RPS6KA2: variants seen among roughly 807,000 people sequenced by gnomAD.
The protein encoded by RPS6KA2 is ribosomal protein S6 kinase A2, also known as ribosomal protein S6 kinase alpha-2.
A neutral mutation model predicts 91.8 loss-of-function variants in RPS6KA2; 42 were observed. That is an observed-to-expected ratio of 0.46 (90% CI 0.36 to 0.59). RPS6KA2 has a LOEUF of 0.59. Among genes scored for constraint, RPS6KA2 ranks in the 20% least tolerant of loss-of-function variants. RPS6KA2 has a pLI of 0.00. For missense variants in RPS6KA2, 798 were observed against 978.5 expected (o/e 0.82, Z 2.46); for synonymous variants, 414 against 393.6 (o/e 1.05, Z -0.61).
intron 2 of RPS6KA2, among the ~76,000 whole-genome samples, chr6:166,848,297 TA>T (rs1780656420): frequency 6.6e-6 from 1 of 152,240 alleles, no homozygotes; most frequent in Non-Finnish European, 1.5e-5. Context: ...GGAACACTTT[TA>T]CACTGTTGGT....
intron 2 of RPS6KA2, among the ~76,000 whole-genome samples, chr6:166,685,786 CCCA>C (rs892752433): frequency 5.3e-5 from 8 of 152,206 alleles, no homozygotes; most frequent in Non-Finnish European, 1.0e-4. Context: ...TGCCCTTTCT[CCCA>C]CCACATCTCC....
chr6:166,822,323 T>C (rs1779925024), intron 2 of RPS6KA2, among the ~76,000 whole-genome samples: 1 of 152,184 alleles, frequency 6.6e-6, no homozygotes, highest in Non-Finnish European at 1.5e-5. Flanking sequence ...AGGGGAACCC[T>C]AAGCCAATCT....
chr6:166,496,388 GA>G (rs147272970), intron 8 of RPS6KA2, among the ~76,000 whole-genome samples: 109 of 150,970 alleles, frequency 7.2e-4, no homozygotes, highest in African/African-American at 2.2e-3. Flanking sequence ...AGAAAAAAAA[GA>G]AAAAAAATTA....
Position 166,533,788 on chromosome 6 carries a change from T to A in RPS6KA2, c.217-2475A>T, listed in dbSNP as rs551390674. On this transcript the variant is annotated intron_variant, in intron 2 of 20. Coordinates refer to ENST00000265678, the MANE Select transcript of RPS6KA2 (RefSeq NM_021135.6). This position sits in a 1 kb window ranked among gnomAD's most constrained non-coding sequence, Gnocchi z 4.0. ...CTCCCAAAATAAGGCATTCTTATAA[T>A]CAGAAAACAAAGGGCCAGGTTCAGT... Among the ~76,000 whole-genome samples the A allele has an allele frequency of 3.9e-5, 6 of 152,170 alleles. No homozygotes were observed. Among genetic ancestry groups the A allele is most frequent in the African/African-American group, 1.2e-4 (5 of 41,504 alleles).
intron 1 of RPS6KA2, among the ~76,000 whole-genome samples, chr6:166,552,528 A>G (rs1222736562): frequency 6.6e-6 from 1 of 151,756 alleles, no homozygotes; most frequent in Non-Finnish European, 1.5e-5. Context: ...TTGTATTATA[A>G]AAGTTTTTTT....
chr6:166,856,331 C>A (rs145014542), intron 2 of RPS6KA2, among the ~76,000 whole-genome samples: 6 of 152,182 alleles, frequency 3.9e-5, no homozygotes, highest in Non-Finnish European at 7.3e-5. Flanking sequence ...CCTTCCACCA[C>A]GTGAGGACAA....
chr6:166,624,925 C>T (rs1007659411), intron 1 of RPS6KA2, among the ~76,000 whole-genome samples: 2 of 152,094 alleles, frequency 1.3e-5, no homozygotes, highest in African/African-American at 2.4e-5. Context: ...CCTCTGACTC[C>T]CTGGTTCAAG....
chr6:166,707,275 G>A (rs1245847842), intron 2 of RPS6KA2, among the ~76,000 whole-genome samples: 2 of 152,248 alleles, frequency 1.3e-5, no homozygotes, highest in East Asian at 3.8e-4. Context: ...AGCCCGCAGA[G>A]CAGAGCCGGG....
intron 2 of RPS6KA2, among the ~76,000 whole-genome samples, chr6:166,670,385 G>A (rs1243651540): frequency 6.6e-6 from 1 of 152,218 alleles, no homozygotes; most frequent in Non-Finnish European, 1.5e-5. Context: ...ATGAAGAACT[G>A]CTGAGCTGCA....
intron 2 of RPS6KA2, among the ~76,000 whole-genome samples, chr6:166,827,337 G>A (rs996772831): frequency 6.7e-6 from 1 of 149,158 alleles, no homozygotes; most frequent in Non-Finnish European, 1.5e-5. Context: ...ACCTCGGACT[G>A]TAGGAACAAA....
At chr6:166,631,852 A>C (rs1787088797), upstream of RPS6KA2, among the ~76,000 whole-genome samples, 1 of 152,222 alleles carries the variant, frequency 6.6e-6, no homozygotes. Context: ...CTGCGCGGCA[A>C]ACGGAGCCCA....
chr6:166,607,884 C>A (rs904183765), intron 1 of RPS6KA2, among the ~76,000 whole-genome samples: 4 of 152,092 alleles, frequency 2.6e-5, no homozygotes, highest in South Asian at 2.1e-4. Context: ...GTGGCATGTA[C>A]CTGTGGTCCC....
At chr6:166,834,183 C>A (rs1216290993) in intron 2 of RPS6KA2, among the ~76,000 whole-genome samples, 1 of 152,192 alleles carries the variant, frequency 6.6e-6, no homozygotes, top group Non-Finnish European at 1.5e-5. Context: ...TTATTTCACA[C>A]CTTTGTCAGC....
chr6:166,508,148 G>A lies in RPS6KA2; in HGVS notation c.459+55C>T, dbSNP rs377334705. 31 of 1,163,152 alleles carry A rather than the reference G, an allele frequency of 2.7e-5. 1 individual carries two copies. Among genetic ancestry groups the A allele is most frequent in the African/African-American group, 1.5e-4 (10 of 65,930 alleles). The allele number at this position is 1,163,152 out of a possible 1,614,324, so 72.1% of individuals were successfully genotyped here. ...AATGCTCTCCACCCCTCCTCCCCTC[G>A]AGTCCCAGACAGAAGCTCCTGCCCG... is the stretch of plus-strand genomic sequence containing the variant. On this transcript the variant is annotated intron_variant, in intron 5 of 20. Coordinates refer to ENST00000265678, the MANE Select transcript of RPS6KA2 (RefSeq NM_021135.6). The surrounding 1 kb of genome is among the most constrained non-coding windows in gnomAD (Gnocchi z 4.3).
rs983758636 is a variant in RPS6KA2, at chr6:166,648,220, G to A, written c.124-109436C>T. 6.9e-6 allele frequency among the ~76,000 whole-genome samples: 1 copy of A among 145,126 alleles called. No individual in the cohort carries two copies. The highest frequency in any genetic ancestry group is 3.4e-3 in the Middle Eastern group (1 of 294). ...CATACACACACTCATGCACACACAC[G>A]CACATGCGCACACACACACATTCAC... On this transcript the variant is annotated intron_variant, in intron 2 of 21. Transcript: ENST00000503859. This position sits in a 1 kb window ranked among gnomAD's most constrained non-coding sequence, Gnocchi z 4.8.
intron 2 of RPS6KA2, among the ~76,000 whole-genome samples, chr6:166,746,863 A>G (rs1333300934): frequency 6.6e-6 from 1 of 152,240 alleles, no homozygotes; most frequent in Non-Finnish European, 1.5e-5. Flanking sequence ...AGAGCAGCTC[A>G]TAGAACCCAG....
At chr6:166,596,274 T>C (rs1785530399) in intron 1 of RPS6KA2, among the ~76,000 whole-genome samples, 1 of 152,236 alleles carries the variant, frequency 6.6e-6, no homozygotes, top group African/African-American at 2.4e-5. Context: ...CTGTCAACTT[T>C]ACTGGATTGA....
chr6:166,765,699 C>A (rs991380178), intron 2 of RPS6KA2, among the ~76,000 whole-genome samples: 1 of 152,136 alleles, frequency 6.6e-6, no homozygotes, highest in Admixed American at 6.5e-5. Flanking sequence ...GAGCATCTTA[C>A]TTTTTTGAAA....
intron 2 of RPS6KA2, among the ~76,000 whole-genome samples, chr6:166,744,301 G>A (rs1255924662): frequency 6.6e-6 from 1 of 152,248 alleles, no homozygotes; most frequent in East Asian, 1.9e-4. Context: ...GGAGGCAAAG[G>A]CACCGGCCTC....
Sources: gnomAD v4.1 joint callset for allele counts (sites outside exome capture counted in the v4.1 genomes callset) on GRCh38, gnomAD v4.1.1 for gene constraint, Gnocchi (gnomAD v3.1) non-coding constraint, MANE v1.5 for transcripts, NCBI Gene and HGNC (gene_info 2026-07-23, HGNC 2026-07-21) for gene names.